The following SERINC5 variants were observed in gnomAD, a reference collection of about 807,000 sequenced individuals.
The protein encoded by SERINC5 is serine incorporator 5, also known as chromosome 5 open reading frame 12.
SERINC5 carries 41 observed loss-of-function variants against 63.1 expected under a neutral mutation model. The observed-to-expected ratio is 0.65, with a 90% CI of 0.51 to 0.84. The LOEUF (loss-of-function observed/expected upper bound fraction) is 0.84. Ranked by LOEUF, SERINC5 falls within the 40% of genes least tolerant of loss-of-function variation. SERINC5 has a pLI of 0.00. For synonymous variants in SERINC5, 222 were observed against 215.2 expected (o/e 1.03, Z -0.28); for missense variants, 523 against 573.0 (o/e 0.91, Z 0.89).
At chr5:80,202,311 A>G (rs2112488961) in intron 2 of SERINC5, among the ~76,000 whole-genome samples, 1 of 152,312 alleles carries the variant, frequency 6.6e-6, no homozygotes, top group African/African-American at 2.4e-5. Context: ...ACAAGAAAAG[A>G]TAGTATATTT....
rs765198628 is a variant in SERINC5, at chr5:80,147,313, G to C, written c.1054-29C>G. 19 of 1,600,272 alleles carry C rather than the reference G, an allele frequency of 1.2e-5. No homozygotes were observed. The East Asian group carries it at 3.4e-4, about 28-fold the overall frequency. On this transcript the variant is annotated intron_variant, in intron 9 of 11. Coordinates refer to ENST00000507668, the MANE Select transcript of SERINC5 (RefSeq NM_001174072.3). ...TGAAAGCAAAAGCAACAGTCAGGCGGCTTGTGTTCTATTTCTAGTCCACCT... is the reference window on the plus strand; with the variant it reads ...TGAAAGCAAAAGCAACAGTCAGGCGCCTTGTGTTCTATTTCTAGTCCACCT...
chr5:80,229,050 T>TGGGGGGAGGG lies in SERINC5; in HGVS notation c.28-25998_28-25997insCCCTCCCCCC, dbSNP rs1174325559. Among the ~76,000 whole-genome samples the TGGGGGGAGGG allele has an allele frequency of 2.4e-4, 23 of 94,164 alleles. 3 individuals carry two copies. Among genetic ancestry groups the TGGGGGGAGGG allele is most frequent in the African/African-American group, 9.0e-4 (23 of 25,620 alleles). The allele number at this position is 94,164 out of a possible 152,430, so 61.8% of individuals were successfully genotyped here. A position where few individuals can be genotyped will look rare whatever the true frequency, so the allele number is the denominator to read the frequency against. ...TTTTTTTTTTTTTTTTTTTTTTTTT[T>TGGGGGGAGGG]GGGGATGGAGTTGCCTAGGCTGGAG... On this transcript the variant is annotated intron_variant, in intron 1 of 11. Transcript: ENST00000507668.
At chr5:80,174,208 A>G (rs13186313) in intron 5 of SERINC5, among the ~76,000 whole-genome samples, 30,429 of 151,650 alleles carry the variant, frequency 0.2, 3,733 homozygotes, top group Non-Finnish European at 0.27. Flanking sequence ...CAAGCAAACA[A>G]AAAAAGAAAT....
intron 1 of SERINC5, among the ~76,000 whole-genome samples, chr5:80,225,889 A>C (rs1473871945): frequency 6.6e-6 from 1 of 152,208 alleles, no homozygotes; most frequent in Non-Finnish European, 1.5e-5. Flanking sequence ...CGAAACACCA[A>C]AATTAAAGAT....
chr5:80,219,119 G>A (rs1268109559), intron 1 of SERINC5, among the ~76,000 whole-genome samples: 1 of 152,180 alleles, frequency 6.6e-6, no homozygotes, highest in African/African-American at 2.4e-5. Context: ...AACCACAGCT[G>A]TACCTGGATA....
chr5:80,208,952 T>C (rs747863339), intron 1 of SERINC5, among the ~76,000 whole-genome samples: 17 of 152,216 alleles, frequency 1.1e-4, no homozygotes, highest in Non-Finnish European at 2.1e-4. Flanking sequence ...AGTGACTGTA[T>C]TTGCAGATAG....
intron 2 of SERINC5, among the ~76,000 whole-genome samples, chr5:80,188,242 C>T (rs1348735139): frequency 1.4e-5 from 2 of 146,012 alleles, no homozygotes; most frequent in Non-Finnish European, 3.0e-5. Flanking sequence ...GAGATCCCAC[C>T]ACTGCACTCT....
Position 80,158,887 on chromosome 5 carries a change from A to G in SERINC5, c.935T>C (p.Leu312Ser). 1.2e-6 allele frequency: 2 copies of G among 1,613,756 alleles called. No homozygotes were observed. Among genetic ancestry groups the G allele is most frequent in the Non-Finnish European group, 1.7e-6 (2 of 1,179,746 alleles). Residue 312 changes from leucine to serine, a missense_variant, in exon 8 of 12, where the codon TTG (leucine) becomes TCG (serine). Physicochemically the swap from Leu to Ser is moderately radical, Grantham distance 145. Coordinates refer to ENST00000507668, the MANE Select transcript of SERINC5 (RefSeq NM_001174072.3). ...GAGGCTGGTCCCCAGTATAGTCACC[A>G]AGTTTTCATCTCTGTACAGGTCTTG... ...FGQDLYRDEN[L>S]VTILGTSLLI...
chr5:80,144,033 AC>A (rs1298622060), intron 11 of SERINC5: 9 of 514,926 alleles, frequency 1.7e-5, no homozygotes, highest in African/African-American at 1.2e-4. Context: ...CCCTCAGCCC[AC>A]CCCCCGCATT....
intron 12 of SERINC5, among the ~76,000 whole-genome samples, chr5:80,112,241 G>T (rs1561342357): frequency 6.6e-6 from 1 of 152,218 alleles, no homozygotes; most frequent in Non-Finnish European, 1.5e-5. Flanking sequence ...CTGGCAGGAG[G>T]CGAGATATGC....
rs974922545 is a variant in SERINC5 at position 80,241,734 on chromosome 5, G to A, written c.27+14162C>T. 2.6e-5 allele frequency among the ~76,000 whole-genome samples: 4 copies of A among 152,024 alleles called. No individual in the cohort carries two copies. The South Asian group carries it at 8.3e-4, about 32-fold the overall frequency. ...AATTAATAGGAATAAAAAAAAGAAG[G>A]GGAAATGAAATGGAAACTGATCAAC... On this transcript the variant is annotated intron_variant, in intron 1 of 11. Coordinates refer to ENST00000507668, the MANE Select transcript of SERINC5 (RefSeq NM_001174072.3).
intron 1 of SERINC5, among the ~76,000 whole-genome samples, chr5:80,234,045 C>A (rs1468234236): frequency 6.6e-6 from 1 of 151,980 alleles, no homozygotes; most frequent in Non-Finnish European, 1.5e-5. Flanking sequence ...CTCCTGAACT[C>A]GTGATCCGTC....
At chr5:80,119,441 A>T (rs767279551) in intron 11 of SERINC5, among the ~76,000 whole-genome samples, 21 of 152,216 alleles carry the variant, frequency 1.4e-4, no homozygotes, top group Non-Finnish European at 2.6e-4. Flanking sequence ...TAGTGACCCC[A>T]ATCTAAGCAG....
chr5:80,136,074 G>A (rs1390280210), downstream of SERINC5, among the ~76,000 whole-genome samples: 1 of 152,028 alleles, frequency 6.6e-6, no homozygotes, highest in Non-Finnish European at 1.5e-5. Context: ...ACCTAAAAAT[G>A]GTTAAGTGCC....
At chr5:80,193,478 C>T (rs1749323910) in intron 2 of SERINC5, among the ~76,000 whole-genome samples, 1 of 152,224 alleles carries the variant, frequency 6.6e-6, no homozygotes, top group Non-Finnish European at 1.5e-5. Context: ...TTCATTCTCA[C>T]ATCTTATCAT....
At chr5:80,195,410 A>G (rs377584233) in intron 2 of SERINC5, among the ~76,000 whole-genome samples, 1 of 152,208 alleles carries the variant, frequency 6.6e-6, no homozygotes, top group East Asian at 1.9e-4. Context: ...TATATCCTAA[A>G]AAGATCATTG....
intron 1 of SERINC5, among the ~76,000 whole-genome samples, chr5:80,207,518 C>T (rs68082475): frequency 0.089 from 13,483 of 152,228 alleles, 761 homozygotes; most frequent in Non-Finnish European, 0.13. Context: ...AGACAAATAG[C>T]AACAGAAGGG....
chr5:80,116,009 A>T (rs1744309845), intron 11 of SERINC5: 1 of 281,884 alleles, frequency 3.5e-6, no homozygotes. Flanking sequence ...TTCCACACAC[A>T]CGTGAAAGAA....
chr5:80,195,365 A>T (rs1749437138), intron 2 of SERINC5, among the ~76,000 whole-genome samples: 1 of 152,114 alleles, frequency 6.6e-6, no homozygotes, highest in African/African-American at 2.4e-5. Flanking sequence ...TTACACTTGT[A>T]CCCCCATAAA....
Sources: allele counts gnomAD v4.1 joint callset (sites outside exome capture counted in the v4.1 genomes callset), GRCh38; gene constraint gnomAD v4.1.1; transcripts MANE v1.5; gene names NCBI Gene and HGNC (gene_info 2026-07-23, HGNC 2026-07-21).